Variants in EEF2K observed in about 807,000 individuals in gnomAD.
EEF2K encodes alternative protein EEF2K.
In EEF2K, 70 loss-of-function variants were observed where a neutral mutation model predicts 93.8. That is an observed-to-expected ratio of 0.75 (90% CI 0.62 to 0.91). The LOEUF (loss-of-function observed/expected upper bound fraction) is 0.91. Among genes scored for constraint, EEF2K ranks in the 40% least tolerant of loss-of-function variants. The pLI, the probability that EEF2K is intolerant of heterozygous loss-of-function variation, is 0.00. For synonymous variants in EEF2K, 376 were observed against 380.8 expected, an observed-to-expected ratio of 0.99 and a Z score of 0.15; for missense variants, 935 against 972.9, an observed-to-expected ratio of 0.96 and a Z score of 0.52.
intron 16 of EEF2K, among the ~76,000 whole-genome samples, chr16:22,279,372 G>T (rs1036765547): frequency 2.0e-5 from 3 of 151,668 alleles, no homozygotes; most frequent in African/African-American, 7.3e-5. Context: ...GGAGTAGCTG[G>T]GACTACAGGT....
At chr16:22,271,055 C>T (rs1321576315) in intron 15 of EEF2K, among the ~76,000 whole-genome samples, 5 of 151,270 alleles carry the variant, frequency 3.3e-5, no homozygotes, top group South Asian at 4.2e-4. Context: ...CTGCAACCTC[C>T]GCCTCCCAGG....
intron 12 of EEF2K, among the ~76,000 whole-genome samples, chr16:22,264,289 C>CAAAAA (rs59993193): frequency 2.5e-5 from 1 of 39,900 alleles, no homozygotes; most frequent in Non-Finnish European, 4.7e-5. Flanking sequence ...GAGACTGTCT[C>CAAAAA]AAAAAAAAAA....
chr16:22,273,622 A>C lies in EEF2K; in HGVS notation c.1765-4A>C. The C allele has an allele frequency of 6.2e-7, 1 of 1,614,026 alleles. No homozygotes were observed. Among genetic ancestry groups the C allele is most frequent in the South Asian group, 1.1e-5 (1 of 91,070 alleles). On this transcript the variant is annotated splice_region_variant and splice_polypyrimidine_tract_variant and intron_variant, in intron 15 of 17. Transcript: ENST00000263026. ...CTTTCTCCCTCTTTGGTTTGTATCA[A>C]CAGGAGACAGAAGAGAACAAAACCA...
chr16:22,233,968 A>C (rs993156223), intron 2 of EEF2K, among the ~76,000 whole-genome samples: 2 of 152,154 alleles, frequency 1.3e-5, no homozygotes, highest in Non-Finnish European at 2.9e-5. Context: ...GAAGCACCAT[A>C]ATAAATGTAG....
intron 2 of EEF2K, among the ~76,000 whole-genome samples, chr16:22,234,071 G>A (rs984535230): frequency 9.9e-5 from 15 of 152,174 alleles, no homozygotes; most frequent in Non-Finnish European, 2.1e-4. Flanking sequence ...ACCCATGAAT[G>A]GGCGTGCCCA....
intron 9 of EEF2K, 112 bp from the exon 10 acceptor site, chr16:22,258,382 T>C: frequency 9.1e-7 from 1 of 1,096,914 alleles, no homozygotes; most frequent in Admixed American, 2.4e-5. Context: ...TAAACAGGCA[T>C]GTTTAGGAGC....
chr16:22,244,768 G>C, intron 3 of EEF2K, 38 bp downstream of exon 3: 2 of 1,603,904 alleles, frequency 1.2e-6, no homozygotes, highest in Non-Finnish European at 1.7e-6. Flanking sequence ...AGTCCTGGGG[G>C]CTATACGTCC....
At chr16:22,225,168 G>A (rs185603658) in intron 1 of EEF2K, among the ~76,000 whole-genome samples, 15 of 152,196 alleles carry the variant, frequency 9.9e-5, no homozygotes, top group Non-Finnish European at 1.6e-4. Context: ...ACAAAGGCTC[G>A]GAGGTCGGAA....
rs1392363300 is a variant in EEF2K, at chr16:22,285,772, CT to C, written c.*1778del. ...AGCAGAGTATAACATACAAACCATT[CT>C]TAACTATTCATTAAAATGGGTCCTT... is the stretch of plus-strand genomic sequence containing the variant. On this transcript the variant is annotated 3_prime_UTR_variant, in exon 18 of 18. Transcript: ENST00000263026. 1.3e-5 allele frequency: 2 copies of C among 152,536 alleles called. No homozygotes were observed. Among genetic ancestry groups the C allele is most frequent in the African/African-American group, 4.8e-5 (2 of 41,456 alleles). The allele number at this position is 152,536 out of a possible 1,614,324, so 9.4% of individuals were successfully genotyped here. A position where few individuals can be genotyped will look rare whatever the true frequency, so the allele number is the denominator to read the frequency against.
intron 16 of EEF2K, among the ~76,000 whole-genome samples, chr16:22,276,873 A>G (rs2047642284): frequency 6.6e-6 from 1 of 151,942 alleles, no homozygotes; most frequent in Non-Finnish European, 1.5e-5. Flanking sequence ...ACTGAACAAC[A>G]CTCTGAAACC....
At chr16:22,255,634 T>C (rs1463824827) in intron 6 of EEF2K, among the ~76,000 whole-genome samples, 1 of 152,196 alleles carries the variant, frequency 6.6e-6, no homozygotes, top group Non-Finnish European at 1.5e-5. Context: ...TGGCTGCAGC[T>C]TGTCATCCTA....
At position 22,284,031 on chromosome 16, in the gene EEF2K, C is replaced by T. The variant is rs1337243424; in HGVS notation, c.*35C>T. 3.9e-6 allele frequency: 6 copies of T among 1,524,864 alleles called. No individual in the cohort carries two copies. Among genetic ancestry groups the T allele is most frequent in the Admixed American group, 4.0e-5 (2 of 50,590 alleles). 94.5% of individuals were successfully genotyped at this position (1,524,864 alleles called of 1,614,324 possible). A position where few individuals can be genotyped will look rare whatever the true frequency, so the allele number is the denominator to read the frequency against. ...TCACTGCCGGCTAGTCCCAAGCAAA[C>T]GGGCTAGGAGGAAAGATTAAAAAAA... On this transcript the variant is annotated 3_prime_UTR_variant, in exon 18 of 18. Transcript: ENST00000263026.
At chr16:22,230,143 G>T (rs1200803236) in intron 2 of EEF2K, among the ~76,000 whole-genome samples, 1 of 152,148 alleles carries the variant, frequency 6.6e-6, no homozygotes, top group East Asian at 1.9e-4. Flanking sequence ...CCGCAAGAGG[G>T]GCTGATTTAA....
At chr16:22,235,307 A>G (rs2047157263) in intron 2 of EEF2K, among the ~76,000 whole-genome samples, 1 of 152,042 alleles carries the variant, frequency 6.6e-6, no homozygotes. Flanking sequence ...AAATATGGAC[A>G]TTTTGTTGCT....
chr16:22,221,691 A>G (rs1598164465), intron 1 of EEF2K, among the ~76,000 whole-genome samples: 1 of 152,314 alleles, frequency 6.6e-6, no homozygotes, highest in Non-Finnish European at 1.5e-5. Context: ...ATGTAAAAAA[A>G]TTTTTAAACT....
intron 10 of EEF2K, among the ~76,000 whole-genome samples, chr16:22,260,192 T>C (rs2047448210): frequency 6.6e-6 from 1 of 152,170 alleles, no homozygotes; most frequent in Non-Finnish European, 1.5e-5. Context: ...ACAAGGATAA[T>C]TGCATTGTGA....
chr16:22,224,239 T>C (rs1394422913), intron 1 of EEF2K, among the ~76,000 whole-genome samples: 1 of 152,154 alleles, frequency 6.6e-6, no homozygotes, highest in Non-Finnish European at 1.5e-5. Context: ...GGGCCACTCC[T>C]TCATTCTGGG....
chr16:22,268,523 G>GT (rs2047546670), intron 15 of EEF2K, among the ~76,000 whole-genome samples: 1 of 152,124 alleles, frequency 6.6e-6, no homozygotes. Flanking sequence ...TTGGAGTGCA[G>GT]TGGCATGACT....
At chr16:22,229,396 A>C (rs1236621008) in intron 2 of EEF2K, among the ~76,000 whole-genome samples, 1 of 152,200 alleles carries the variant, frequency 6.6e-6, no homozygotes, top group Admixed American at 6.6e-5. Flanking sequence ...ATTTGTGTTC[A>C]TACCATAGCA....
Sources: gnomAD v4.1 joint callset for allele counts (sites outside exome capture counted in the v4.1 genomes callset) on GRCh38, gnomAD v4.1.1 for gene constraint, MANE v1.5 for transcripts, NCBI Gene and HGNC (gene_info 2026-07-23, HGNC 2026-07-21) for gene names.